Variants in DMD observed in about 807,000 individuals in gnomAD.
DMD encodes mutant dystrophin.
A neutral mutation model predicts 330.1 loss-of-function variants in DMD; 63 were observed. The ratio of observed to expected loss-of-function variants is 0.19; its 90% CI spans 0.16 to 0.24. The LOEUF (loss-of-function observed/expected upper bound fraction) is 0.24. Ranked by LOEUF, DMD falls within the 10% of genes least tolerant of loss-of-function variation. The pLI, the probability that DMD is intolerant of heterozygous loss-of-function variation, is 1.00. For missense variants in DMD, 3,344 were observed against 2,684.1 expected, an observed-to-expected ratio of 1.25 and a Z score of -5.43; for synonymous variants, 1,223 against 959.8, an observed-to-expected ratio of 1.27 and a Z score of -5.07.
intron 43 of DMD, among the ~76,000 whole-genome samples, chrX:32,240,228 G>A (rs2097202907): frequency 8.9e-6 from 1 of 111,818 alleles, no homozygotes; most frequent in Admixed American, 9.5e-5. Flanking sequence ...TTAATTGTAG[G>A]TTACTATGAT....
rs146963604 is a variant in DMD at position 32,154,531 on chromosome X, A to G, written c.6438+62385T>C. On this transcript the variant is annotated intron_variant, in intron 44 of 78. Transcript: ENST00000357033. ...CAGTAGTATTTTTCTCAGATAAAAC[A>G]CAGTATAGAGGTTCAACCTAGTGTT... Among the ~76,000 whole-genome samples, 626 of 111,916 alleles carry G rather than the reference A, an allele frequency of 5.6e-3. 4 individuals are homozygous for G. The highest frequency in any genetic ancestry group is 0.016 in the African/African-American group (487 of 30,851).
intron 9 of DMD, among the ~76,000 whole-genome samples, chrX:32,683,559 C>T (rs138249211): frequency 0.014 from 1,459 of 101,217 alleles, 27 homozygotes; most frequent in African/African-American, 0.049. Flanking sequence ...AACCAAACAC[C>T]GCATGTTCTC....
In DMD at chrX:32,438,855, C is replaced by CAATGA. The variant is rs2098271064; in HGVS notation, c.3922-466_3922-465insTCATT. 1.8e-5 allele frequency among the ~76,000 whole-genome samples: 2 copies of CAATGA among 111,636 alleles called. 1 individual carries two copies. Among genetic ancestry groups the CAATGA allele is most frequent in the South Asian group, 7.5e-4 (2 of 2,660 alleles). On this transcript the variant is annotated intron_variant, in intron 28 of 78. Transcript: ENST00000357033. Reference sequence around the variant, plus strand: ...GAGGCAATGACTTTGAGTGTGAGGTCCTTCATGCTCAGGAAGAGAGAGCAG... The same window carrying CAATGA: ...GAGGCAATGACTTTGAGTGTGAGGTCAATGACTTCATGCTCAGGAAGAGAGAGCAG...
At chrX:31,199,499 A>G (rs751979428) in intron 67 of DMD, among the ~76,000 whole-genome samples, 118 of 112,326 alleles carry the variant, frequency 1.1e-3, no homozygotes, top group Non-Finnish European at 1.4e-3. Context: ...GAAGACCTAT[A>G]GTGATTTTTA....
intron 1 of DMD, among the ~76,000 whole-genome samples, chrX:33,129,855 C>T (rs1398678288): frequency 8.9e-6 from 1 of 111,828 alleles, no homozygotes; most frequent in African/African-American, 3.2e-5. Flanking sequence ...AATCATTACT[C>T]ATTGTCGTAC....
chrX:33,305,220 T>C (rs1350683886), intron 1 of DMD, among the ~76,000 whole-genome samples: 2 of 105,743 alleles, frequency 1.9e-5, no homozygotes, highest in Non-Finnish European at 3.9e-5. Flanking sequence ...ATATACACCA[T>C]GGAATACTAT....
intron 2 of DMD, among the ~76,000 whole-genome samples, chrX:32,913,728 C>T (rs909297092): frequency 8.9e-6 from 1 of 111,881 alleles, no homozygotes; most frequent in African/African-American, 3.3e-5. Flanking sequence ...TTCAGCCTCA[C>T]GACTTTGTCC....
chrX:31,713,457 T>C (rs2084796921), intron 52 of DMD, among the ~76,000 whole-genome samples: 2 of 111,924 alleles, frequency 1.8e-5, no homozygotes, highest in South Asian at 7.4e-4. Context: ...ATCCAAGTTA[T>C]TGTTGGTACA....
At chrX:31,636,415 C>T (rs961823969) in intron 54 of DMD, among the ~76,000 whole-genome samples, 1 of 111,905 alleles carries the variant, frequency 8.9e-6, no homozygotes, top group Non-Finnish European at 1.9e-5. Context: ...TAATGTTCTG[C>T]AGTTTTCAAG....
intron 44 of DMD, among the ~76,000 whole-genome samples, chrX:32,093,614 T>C (rs2096488923): frequency 9.0e-6 from 1 of 111,514 alleles, no homozygotes; most frequent in South Asian, 3.7e-4. Context: ...CATACTGAAA[T>C]CTTTGGGATG....
At chrX:31,293,163 GGTGTGTGTGT>G (rs762778210) in intron 62 of DMD, among the ~76,000 whole-genome samples, 1 of 70,570 alleles carries the variant, frequency 1.4e-5, no homozygotes, top group Non-Finnish European at 2.4e-5. Context: ...CCCCCAACCC[GGTGTGTGTGT>G]GTGTGTGTGT....
At chrX:31,617,343 T>G (rs1741143996) in intron 55 of DMD, among the ~76,000 whole-genome samples, 1 of 110,381 alleles carries the variant, frequency 9.1e-6, no homozygotes, top group Admixed American at 9.6e-5. Flanking sequence ...GCGACCAGCC[T>G]GGCCAACCTG....
chrX:32,743,760 A>T (rs1217387416), intron 7 of DMD, among the ~76,000 whole-genome samples: 1 of 111,327 alleles, frequency 9.0e-6, no homozygotes, highest in African/African-American at 3.3e-5. Context: ...TTCCCCCAAG[A>T]TAAGGGCAGG....
At chrX:33,244,363 G>A (rs1039821275) in intron 1 of DMD, among the ~76,000 whole-genome samples, 18 of 111,735 alleles carry the variant, frequency 1.6e-4, no homozygotes, top group Non-Finnish European at 2.8e-4. Flanking sequence ...AAAGGATTCC[G>A]AAAACAATAT....
At chrX:32,528,033 G>T (rs2047080574) in intron 17 of DMD, among the ~76,000 whole-genome samples, 1 of 112,385 alleles carries the variant, frequency 8.9e-6, no homozygotes, top group South Asian at 3.7e-4. Flanking sequence ...TGAGGGCCAG[G>T]CGTGGCGGCT....
In DMD at chrX:33,041,739, G is replaced by C. The variant is rs1485392451; in HGVS notation, c.32-21539C>G. 1.1e-5 allele frequency: 13 copies of C among 1,193,834 alleles called. No individual in the cohort carries two copies. In the African/African-American group the frequency reaches 2.3e-4, roughly 21 times the overall value. On this transcript the variant is annotated intron_variant, in intron 1 of 78. Coordinates refer to ENST00000357033, the MANE Select transcript of DMD (RefSeq NM_004006.3). Reference sequence around the variant, plus strand: ...AAGCCTGAAACTTTTCTCGTATGGGGTGGTTTTTGCATTAAATCCTGGGGT... The same window carrying C: ...AAGCCTGAAACTTTTCTCGTATGGGCTGGTTTTTGCATTAAATCCTGGGGT...
At chrX:32,038,097 C>A (rs1273670299) in intron 44 of DMD, among the ~76,000 whole-genome samples, 2 of 111,718 alleles carry the variant, frequency 1.8e-5, no homozygotes, top group Non-Finnish European at 1.9e-5. Flanking sequence ...CTGGCCTTAA[C>A]ATAAGAGATA....
In DMD at chrX:31,508,191, T is replaced by C. The variant is rs755786068; in HGVS notation, c.8218-738A>G. Reference sequence around the variant, plus strand: ...TACACACAGATCAAGAAAATTATTATAGTAGAAGAATCTGACCTTTACATG... The same window carrying C: ...TACACACAGATCAAGAAAATTATTACAGTAGAAGAATCTGACCTTTACATG... On this transcript the variant is annotated intron_variant, in intron 55 of 78. Transcript: ENST00000357033. The C allele has an allele frequency of 4.3e-6, 5 of 1,173,582 alleles. No homozygotes were observed. The Admixed American group carries it at 6.7e-5, about 16-fold the overall frequency.
chrX:32,035,760 A>G (rs1303072194), intron 44 of DMD, among the ~76,000 whole-genome samples: 1 of 111,336 alleles, frequency 9.0e-6, no homozygotes, highest in Admixed American at 9.6e-5. Context: ...AGTATGGATA[A>G]GCTCAGATAA....
Sources: allele counts gnomAD v4.1 joint callset (sites outside exome capture counted in the v4.1 genomes callset), GRCh38; gene constraint gnomAD v4.1.1; transcripts MANE v1.5; gene names NCBI Gene and HGNC (gene_info 2026-07-23, HGNC 2026-07-21).